The following DDX46 variants were observed in gnomAD, a reference collection of about 807,000 sequenced individuals.
DDX46 encodes the protein DEAD-box helicase 46, also known as probable ATP-dependent RNA helicase DDX46.
A neutral mutation model predicts 134.9 loss-of-function variants in DDX46; 30 were observed. The observed-to-expected ratio is 0.22, with a 90% CI of 0.17 to 0.30. The LOEUF is 0.30. Among genes scored for constraint, DDX46 ranks in the 10% least tolerant of loss-of-function variants. DDX46 has a pLI of 1.00. For missense variants in DDX46, 622 were observed against 1,248.7 expected (o/e 0.50, Z 7.56); for synonymous variants, 415 against 404.1 (o/e 1.03, Z -0.32).
intron 10 of DDX46, 129 bp from the exon 11 acceptor site, chr5:134,785,335 TC>T (rs1754299083): frequency 1.8e-6 from 2 of 1,121,952 alleles, no homozygotes; most frequent in Non-Finnish European, 1.2e-6. Flanking sequence ...GAAATAGTTT[TC>T]AGGGATGCAT....
intron 6 of DDX46, among the ~76,000 whole-genome samples, chr5:134,779,668 GT>G (rs1393379744): frequency 6.6e-6 from 1 of 151,056 alleles, no homozygotes; most frequent in Non-Finnish European, 1.5e-5. Context: ...CTGGCTAATT[GT>G]TTATAGAGAT....
At chr5:134,779,278 G>C (rs971386022) in intron 6 of DDX46, among the ~76,000 whole-genome samples, 1 of 151,316 alleles carries the variant, frequency 6.6e-6, no homozygotes, top group Non-Finnish European at 1.5e-5. Context: ...ACTGCACCCT[G>C]TGCCTCCCAG....
intron 12 of DDX46, chr5:134,790,225 A>G: frequency 1.7e-6 from 1 of 597,724 alleles, no homozygotes; most frequent in South Asian, 1.5e-5. Flanking sequence ...CTATGATGGT[A>G]TGCAAGAGAC....
In DDX46 at chr5:134,767,856, C is replaced by T. The variant is rs998374384; in HGVS notation, c.350+796C>T. Among the ~76,000 whole-genome samples the T allele has an allele frequency of 4.6e-5, 7 of 150,778 alleles. No individual in the cohort carries two copies. The East Asian group carries it at 6.1e-4, about 13-fold the overall frequency. On this transcript the variant is annotated intron_variant, in intron 3 of 22. Coordinates refer to ENST00000452510, the MANE Select transcript of DDX46 (RefSeq NM_001300860.2). ...TCCCAGCTACTCTGGAGGCTGAGGC[C>T]GGAGAATCGCTTGAACCCAGGAGGC...
At chr5:134,825,533 T>A (rs1427423634) in intron 21 of DDX46, among the ~76,000 whole-genome samples, 1 of 152,224 alleles carries the variant, frequency 6.6e-6, no homozygotes, top group Admixed American at 6.5e-5. Context: ...TTATTATAAA[T>A]CTTTCCCTCA....
At chr5:134,759,944 ACCCACAG>A (rs1422410730) in intron 1 of DDX46, among the ~76,000 whole-genome samples, 1 of 152,098 alleles carries the variant, frequency 6.6e-6, no homozygotes, top group African/African-American at 2.4e-5. Flanking sequence ...CTCTCTCACT[ACCCACAG>A]CCTGTTAGAT....
intron 5 of DDX46, among the ~76,000 whole-genome samples, chr5:134,774,312 A>G (rs915494744): frequency 6.6e-6 from 1 of 151,796 alleles, no homozygotes; most frequent in East Asian, 1.9e-4. Context: ...TGGCTGAATA[A>G]TATTTCACTG....
chr5:134,790,560 T>A lies in DDX46; in HGVS notation c.1626+8T>A. 1 of 1,601,986 alleles carries A rather than the reference T, an allele frequency of 6.2e-7. No homozygotes were observed. Among genetic ancestry groups the A allele is most frequent in the Non-Finnish European group, 8.5e-7 (1 of 1,174,086 alleles). On this transcript the variant is annotated splice_region_variant and intron_variant, in intron 13 of 22. Coordinates refer to ENST00000452510, the MANE Select transcript of DDX46 (RefSeq NM_001300860.2). Reference sequence around the variant, plus strand: ...ATGGGTTTTGAACCCCAGGTAATCATTAAATTTCTTAAGTGTTTTGAAATG... The same window carrying A: ...ATGGGTTTTGAACCCCAGGTAATCAATAAATTTCTTAAGTGTTTTGAAATG...
intron 15 of DDX46, among the ~76,000 whole-genome samples, chr5:134,807,122 C>T (rs561743398): frequency 6.7e-5 from 10 of 148,212 alleles, no homozygotes; most frequent in South Asian, 2.1e-4. Flanking sequence ...GGCGCAATCT[C>T]GGCTCACGGC....
At chr5:134,823,157 C>CTTTTTTT (rs201053941) in intron 21 of DDX46, among the ~76,000 whole-genome samples, 9 of 111,214 alleles carry the variant, frequency 8.1e-5, no homozygotes, top group Non-Finnish European at 1.5e-4. Context: ...TTAATTTCAT[C>CTTTTTTT]TTTTTTTTTT....
At chr5:134,771,877 A>G (rs796821665) in intron 4 of DDX46, among the ~76,000 whole-genome samples, 9 of 152,334 alleles carry the variant, frequency 5.9e-5, no homozygotes, top group South Asian at 4.1e-4. Context: ...CTGTTTTTAC[A>G]TACAAAGTGC....
chr5:134,768,434 G>T (rs1000571872), intron 3 of DDX46, among the ~76,000 whole-genome samples: 1 of 150,818 alleles, frequency 6.6e-6, no homozygotes, highest in Non-Finnish European at 1.5e-5. Flanking sequence ...ATTGCTCTAG[G>T]GATATCTAGT....
intron 17 of DDX46, 155 bp downstream of exon 17, chr5:134,811,513 C>T: frequency 8.4e-7 from 1 of 1,191,710 alleles, no homozygotes. Context: ...AGCTAAAATC[C>T]TATCTTATTC....
At chr5:134,798,190 G>GTTGT (rs890870582) in intron 15 of DDX46, among the ~76,000 whole-genome samples, 1 of 130,990 alleles carries the variant, frequency 7.6e-6, no homozygotes, top group African/African-American at 2.7e-5. Flanking sequence ...TTTTTTTGTT[G>GTTGT]TTGTTTGTTT....
At chr5:134,783,095 C>T (rs755922662) in intron 9 of DDX46, 30 bp downstream of exon 9, 34 of 1,607,432 alleles carry the variant, frequency 2.1e-5, no homozygotes, top group South Asian at 7.7e-5. Context: ...TTATGTTTTC[C>T]GTGTCTTGCT....
At chr5:134,823,608 C>T (rs1310912705) in intron 21 of DDX46, among the ~76,000 whole-genome samples, 2 of 152,170 alleles carry the variant, frequency 1.3e-5, no homozygotes, top group Admixed American at 6.5e-5. Flanking sequence ...TATTTGAAGT[C>T]AGGTTTAAAA....
At chr5:134,794,072 C>T (rs765000235) in intron 13 of DDX46, among the ~76,000 whole-genome samples, 10 of 152,074 alleles carry the variant, frequency 6.6e-5, no homozygotes, top group Non-Finnish European at 1.2e-4. Context: ...TAGTGGTTGG[C>T]GGGGTGTGAA....
intron 4 of DDX46, 49 bp downstream of exon 4, chr5:134,771,048 CTTT>C (rs2150133544): frequency 1.3e-6 from 1 of 776,600 alleles, no homozygotes; most frequent in African/African-American, 1.8e-5. Context: ...TTTTGTCTTT[CTTT>C]CTTTCTTTTC....
chr5:134,804,993 C>T (rs1346052654), intron 15 of DDX46: 2 of 380,468 alleles, frequency 5.3e-6, no homozygotes, highest in South Asian at 2.4e-5. Context: ...GCACATGCCA[C>T]CTGCAGATTT....
Sources: allele counts gnomAD v4.1 joint callset (sites outside exome capture counted in the v4.1 genomes callset), GRCh38; gene constraint gnomAD v4.1.1; transcripts MANE v1.5; gene names NCBI Gene and HGNC (gene_info 2026-07-23, HGNC 2026-07-21).